Variants in TBC1D22A observed in about 807,000 individuals in gnomAD.
The protein encoded by TBC1D22A is putative GTPase activator.
In TBC1D22A, 38 loss-of-function variants were observed where a neutral mutation model predicts 60.2. That is an observed-to-expected ratio of 0.63 (90% CI 0.49 to 0.83). TBC1D22A has a LOEUF of 0.83. TBC1D22A is among the 40% of genes least tolerant of loss of function. The pLI is 0.00. For synonymous variants in TBC1D22A, 302 were observed against 281.7 expected, an observed-to-expected ratio of 1.07 and a Z score of -0.72; for missense variants, 628 against 701.0, an observed-to-expected ratio of 0.90 and a Z score of 1.18.
chr22:46,855,988 C>G (rs771576744), intron 4 of TBC1D22A, among the ~76,000 whole-genome samples: 3 of 152,178 alleles, frequency 2.0e-5, no homozygotes, highest in Non-Finnish European at 4.4e-5. Context: ...GACATCTAGG[C>G]GTGTGCTCGC....
At chr22:47,139,470 G>T (rs933104411) in intron 12 of TBC1D22A, among the ~76,000 whole-genome samples, 4 of 152,218 alleles carry the variant, frequency 2.6e-5, no homozygotes, top group Non-Finnish European at 5.9e-5. Context: ...GCTGGTCGGG[G>T]CGGCCTCAAA....
At chr22:47,046,640 A>G (rs1294898867) in intron 11 of TBC1D22A, among the ~76,000 whole-genome samples, 1 of 152,162 alleles carries the variant, frequency 6.6e-6, no homozygotes, top group Non-Finnish European at 1.5e-5. Context: ...CTGTGGGTAG[A>G]AAGAATAGGG....
chr22:47,070,507 T>C (rs71313087), intron 11 of TBC1D22A, among the ~76,000 whole-genome samples: 3 of 148,056 alleles, frequency 2.0e-5, no homozygotes, highest in East Asian at 2.1e-4. Flanking sequence ...TGTTGTTTGG[T>C]TGGAGCGGAG....
Position 47,037,091 on chromosome 22 carries a change from G to A in TBC1D22A, c.1222G>A (p.Asp408Asn). The change falls in exon 11 of 13, where the codon GAC becomes AAC. Residue 408 changes from aspartate to asparagine, a missense_variant. By Grantham distance (23) the Asp-to-Asn change is conservative (BLOSUM62 1). Coordinates refer to ENST00000337137, the MANE Select transcript of TBC1D22A (RefSeq NM_014346.5). ...TGCAGAGCAAGTGCACCGGCACCTG[G>A]ACCAACACGAAGTGAGATACCTGCA... ...RIDEQVHRHLDQHEVRYLQFA... is the reference protein window; with the variant it reads ...RIDEQVHRHLNQHEVRYLQFA... 6.2e-7 allele frequency: 1 copy of A among 1,613,882 alleles called. No individual in the cohort carries two copies. Among genetic ancestry groups the A allele is most frequent in the Non-Finnish European group, 8.5e-7 (1 of 1,179,840 alleles).
intron 4 of TBC1D22A, among the ~76,000 whole-genome samples, chr22:46,810,870 T>C (rs2085350168): frequency 6.6e-6 from 1 of 152,196 alleles, no homozygotes; most frequent in Non-Finnish European, 1.5e-5. Context: ...TCCTGGGAGA[T>C]AGGAGACACC....
At chr22:46,837,011 A>G (rs991637525) in intron 4 of TBC1D22A, among the ~76,000 whole-genome samples, 2 of 151,236 alleles carry the variant, frequency 1.3e-5, no homozygotes, top group African/African-American at 4.9e-5. Context: ...AAAAAAAAAA[A>G]TTAGCGGGGC....
intron 4 of TBC1D22A, among the ~76,000 whole-genome samples, chr22:46,846,256 T>C (rs1326282584): frequency 6.6e-6 from 1 of 152,240 alleles, no homozygotes; most frequent in East Asian, 1.9e-4. Flanking sequence ...TGTTGTGATC[T>C]TTCAATGAGA....
chr22:46,842,064 A>G lies in TBC1D22A; in HGVS notation c.638-36589A>G, dbSNP rs558576821. 3.3e-5 allele frequency among the ~76,000 whole-genome samples: 5 copies of G among 152,366 alleles called. No homozygotes were observed. The East Asian group carries it at 9.6e-4, about 29-fold the overall frequency. On this transcript the variant is annotated intron_variant, in intron 4 of 12. Transcript: ENST00000337137. The stretch of plus-strand genomic sequence containing the variant: ...AACATTCTGTATTATTATTTGGCCC[A>G]TCCAACATGAAACAAGGATAGATGG...
intron 5 of TBC1D22A, among the ~76,000 whole-genome samples, chr22:46,885,057 C>G (rs2068042496): frequency 6.6e-6 from 1 of 152,192 alleles, no homozygotes; most frequent in South Asian, 2.1e-4. Context: ...TCTCTAGAGC[C>G]AGCGTGTGGA....
At chr22:46,844,487 G>A (rs989714537) in intron 4 of TBC1D22A, among the ~76,000 whole-genome samples, 2 of 152,228 alleles carry the variant, frequency 1.3e-5, no homozygotes, top group African/African-American at 4.8e-5. Flanking sequence ...GACTGAGTGT[G>A]TGCCAGATGT....
chr22:46,855,418 A>G (rs1438501311), intron 4 of TBC1D22A, among the ~76,000 whole-genome samples: 4 of 152,198 alleles, frequency 2.6e-5, no homozygotes, highest in Non-Finnish European at 5.9e-5. Flanking sequence ...TGATACCACC[A>G]GGAGTTAGGA....
At chr22:46,841,413 G>T (rs12168650) in intron 4 of TBC1D22A, among the ~76,000 whole-genome samples, 41,069 of 152,158 alleles carry the variant, frequency 0.27, 5,590 homozygotes, top group East Asian at 0.32. Context: ...TCACCCTCCA[G>T]AATCGTGAGA....
At chr22:47,096,549 C>T (rs536168476) in intron 11 of TBC1D22A, among the ~76,000 whole-genome samples, 20 of 152,152 alleles carry the variant, frequency 1.3e-4, no homozygotes, top group South Asian at 6.2e-4. Flanking sequence ...TGGCCGGGCA[C>T]GGTGGCTCAT....
intron 8 of TBC1D22A, among the ~76,000 whole-genome samples, chr22:46,948,102 T>C (rs2072663274): frequency 6.6e-6 from 1 of 152,072 alleles, no homozygotes. Flanking sequence ...AGGGCTGGGG[T>C]ATTAGAGGCG....
chr22:47,043,810 T>C (rs2062929065), intron 11 of TBC1D22A, among the ~76,000 whole-genome samples: 1 of 152,124 alleles, frequency 6.6e-6, no homozygotes, highest in South Asian at 2.1e-4. Flanking sequence ...GTGTGCTCTA[T>C]GTGAGGTGCA....
chr22:47,144,437 C>T (rs1236856372), intron 12 of TBC1D22A, among the ~76,000 whole-genome samples: 3 of 152,248 alleles, frequency 2.0e-5, no homozygotes, highest in Non-Finnish European at 2.9e-5. Flanking sequence ...CCACCAGCCC[C>T]ACTTTGGGGG....
At position 46,918,230 on chromosome 22, in the gene TBC1D22A, C is replaced by T. The variant is rs553269883; in HGVS notation, c.1015+6042C>T. On this transcript the variant is annotated intron_variant, in intron 8 of 12. Transcript: ENST00000337137. ...GCTTTCCTCTGCTTAAAATGGTGGC[C>T]GCATCTCTGCTCTGTCCCTGTCCTA... Among the ~76,000 whole-genome samples the T allele has an allele frequency of 3.8e-3, 579 of 152,320 alleles. 1 individual carries two copies. Among genetic ancestry groups the T allele is most frequent in the Non-Finnish European group, 6.6e-3 (452 of 68,028 alleles).
chr22:47,038,918 T>G (rs1411210191), intron 11 of TBC1D22A, among the ~76,000 whole-genome samples: 1 of 152,224 alleles, frequency 6.6e-6, no homozygotes, highest in Admixed American at 6.5e-5. Context: ...GTGCTATTGA[T>G]CGGCTCTCTG....
intron 12 of TBC1D22A, among the ~76,000 whole-genome samples, chr22:47,131,355 C>A (rs1385560124): frequency 6.6e-6 from 1 of 152,212 alleles, no homozygotes; most frequent in Non-Finnish European, 1.5e-5. Flanking sequence ...TCCAGAAATG[C>A]AGAAATGGTG....
Sources: gnomAD v4.1 joint callset for allele counts (sites outside exome capture counted in the v4.1 genomes callset) on GRCh38, gnomAD v4.1.1 for gene constraint, MANE v1.5 for transcripts, NCBI Gene and HGNC (gene_info 2026-07-23, HGNC 2026-07-21) for gene names.